SHANK2: variants seen among roughly 807,000 people sequenced by gnomAD.
The protein encoded by SHANK2 is SH3 and multiple ankyrin repeat domains 2.
SHANK2 carries 43 observed loss-of-function variants against 133.7 expected under a neutral mutation model. That is an observed-to-expected ratio of 0.32 (90% CI 0.25 to 0.41). SHANK2 has a LOEUF of 0.41. Among genes scored for constraint, SHANK2 ranks in the 10% least tolerant of loss-of-function variants. SHANK2 has a pLI of 1.00. For missense variants in SHANK2, 1,994 were observed against 2,235.8 expected, an observed-to-expected ratio of 0.89 and a Z score of 2.18; for synonymous variants, 1,017 against 952.8, an observed-to-expected ratio of 1.07 and a Z score of -1.24.
intron 14 of SHANK2, among the ~76,000 whole-genome samples, chr11:70,744,453 G>A (rs931576607): frequency 3.3e-5 from 5 of 152,316 alleles, no homozygotes; most frequent in Admixed American, 2.0e-4. Context: ...CTATGCCCCC[G>A]GCCCCCTGGG....
intron 14 of SHANK2, among the ~76,000 whole-genome samples, chr11:70,745,953 G>T (rs1335054828): frequency 3.9e-5 from 6 of 152,194 alleles, no homozygotes; most frequent in Admixed American, 1.3e-4. Flanking sequence ...CCATTTGGGC[G>T]CATTTACGGA....
chr11:70,818,634 A>T (rs1948453537), intron 12 of SHANK2, among the ~76,000 whole-genome samples: 1 of 150,626 alleles, frequency 6.6e-6, no homozygotes, highest in African/African-American at 2.4e-5. Flanking sequence ...AGCACCTGGG[A>T]CTCCTCCCTT....
intron 14 of SHANK2, among the ~76,000 whole-genome samples, chr11:70,762,805 C>G (rs547314786): frequency 6.6e-6 from 1 of 152,310 alleles, no homozygotes; most frequent in South Asian, 2.1e-4. Flanking sequence ...TCTACAGCGG[C>G]CACCTGAAAT....
intron 17 of SHANK2, among the ~76,000 whole-genome samples, chr11:70,520,367 TG>T (rs1450577221): frequency 1.3e-5 from 2 of 152,248 alleles, no homozygotes; most frequent in Non-Finnish European, 2.9e-5. Flanking sequence ...GACTTTGTTT[TG>T]TTGACCTTGA....
intron 2 of SHANK2, among the ~76,000 whole-genome samples, chr11:71,218,568 T>C (rs991458109): frequency 1.3e-5 from 2 of 152,172 alleles, no homozygotes; most frequent in Admixed American, 1.3e-4. Flanking sequence ...CGGGCTGTTC[T>C]ATTTTTAAAT....
chr11:70,848,416 G>A (rs969299659), intron 11 of SHANK2, among the ~76,000 whole-genome samples: 5 of 152,188 alleles, frequency 3.3e-5, no homozygotes, highest in Admixed American at 1.3e-4. Context: ...TGAGCTCCAC[G>A]GGACCCTGGA....
intron 17 of SHANK2, among the ~76,000 whole-genome samples, chr11:70,621,922 C>A (rs111278022): frequency 4.7e-4 from 71 of 152,268 alleles, no homozygotes; most frequent in African/African-American, 1.6e-3. Context: ...CTGGCCAGCT[C>A]TTCTGTCCAC....
chr11:70,473,226 G>A lies in SHANK2; in HGVS notation c.5193C>T (p.Ala1731=). The A allele has an allele frequency of 6.2e-7, 1 of 1,610,642 alleles. No individual in the cohort carries two copies. Among genetic ancestry groups the A allele is most frequent in the Non-Finnish European group, 8.5e-7 (1 of 1,177,068 alleles). ...TLPAPLSAAT[A]SPSPALSDVF... ...CATCTGAGAGAGCGGGAGAAGGAGA[G>A]GCGGTGGCAGCAGACAGGGGGGCGG... Residue 1731 remains alanine, a synonymous_variant, in exon 26 of 26, where the codon GCC becomes GCT. Transcript: ENST00000601538. This position sits in a 1 kb window ranked among gnomAD's most constrained non-coding sequence, Gnocchi z 5.9.
At chr11:71,122,586 T>C (rs1211455494) in intron 3 of SHANK2, among the ~76,000 whole-genome samples, 2 of 152,096 alleles carry the variant, frequency 1.3e-5, no homozygotes, top group Non-Finnish European at 2.9e-5. Context: ...ACAAGGCACA[T>C]GTATACATAT....
chr11:70,683,544 C>A (rs1945076280), intron 15 of SHANK2, among the ~76,000 whole-genome samples: 1 of 152,208 alleles, frequency 6.6e-6, no homozygotes, highest in Non-Finnish European at 1.5e-5. Context: ...GTGGTTTAAA[C>A]AGCAGAAATG....
At chr11:70,698,564 T>A in intron 15 of SHANK2, 124 bp downstream of exon 15, 1 of 697,438 alleles carries the variant, frequency 1.4e-6, no homozygotes, top group Non-Finnish European at 2.6e-6. Flanking sequence ...CCTAGCCCGG[T>A]AACAGGCACA....
chr11:70,606,457 C>T (rs999836247), intron 17 of SHANK2, among the ~76,000 whole-genome samples: 11 of 130,872 alleles, frequency 8.4e-5, no homozygotes, highest in African/African-American at 2.9e-4. Context: ...GGGGGTGTCA[C>T]GTGATTGTAC....
intron 15 of SHANK2, among the ~76,000 whole-genome samples, chr11:70,694,883 G>A (rs115553274): frequency 1.1e-3 from 172 of 152,012 alleles, no homozygotes; most frequent in African/African-American, 3.9e-3. Context: ...CCCTCCATCC[G>A]TGCTGCCCAC....
chr11:71,103,383 C>A (rs143455307), intron 6 of SHANK2, among the ~76,000 whole-genome samples: 2 of 152,200 alleles, frequency 1.3e-5, no homozygotes, highest in Non-Finnish European at 2.9e-5. Flanking sequence ...CTGGGACCAA[C>A]AGGCTTCCCA....
At chr11:70,787,415 A>G in intron 14 of SHANK2, among the ~76,000 whole-genome samples, 1 of 150,588 alleles carries the variant, frequency 6.6e-6, no homozygotes, top group African/African-American at 2.5e-5. Flanking sequence ...CGTGACCACC[A>G]CCACCACCAG....
At chr11:70,861,751 A>G (rs1555067833) in intron 11 of SHANK2, among the ~76,000 whole-genome samples, 2 of 152,180 alleles carry the variant, frequency 1.3e-5, no homozygotes, top group South Asian at 2.1e-4. Flanking sequence ...AGACAATCCC[A>G]GCAGATGCTG....
At chr11:70,798,383 C>T (rs1422035069) in intron 14 of SHANK2, 60 bp downstream of exon 14, 22 of 712,220 alleles carry the variant, frequency 3.1e-5, no homozygotes, top group Non-Finnish European at 4.9e-5. Flanking sequence ...ACAACACCGA[C>T]CACGGGCCTG....
At chr11:70,938,040 T>C (rs782675498) in intron 10 of SHANK2, among the ~76,000 whole-genome samples, 3 of 152,240 alleles carry the variant, frequency 2.0e-5, no homozygotes, top group Non-Finnish European at 2.9e-5. Flanking sequence ...GGCATGTCCT[T>C]CTCCAGCTTC....
chr11:71,118,494 CA>C (rs1366962697), intron 4 of SHANK2, among the ~76,000 whole-genome samples: 1 of 152,116 alleles, frequency 6.6e-6, no homozygotes, highest in Admixed American at 6.5e-5. Flanking sequence ...AACTTCCAGA[CA>C]CTTATAATAA....
Sources: gnomAD v4.1 joint callset for allele counts (sites outside exome capture counted in the v4.1 genomes callset) on GRCh38, gnomAD v4.1.1 for gene constraint, Gnocchi (gnomAD v3.1) non-coding constraint, MANE v1.5 for transcripts, NCBI Gene and HGNC (gene_info 2026-07-23, HGNC 2026-07-21) for gene names.